ZNF626: variants seen among roughly 807,000 people sequenced by gnomAD.
ZNF626 encodes the protein CTC-513N18.7.
ZNF626 carries 4 observed loss-of-function variants against 11.7 expected under a neutral mutation model. The observed-to-expected ratio is 0.34, with a 90% CI of 0.17 to 0.78. The LOEUF is 0.78. Ranked by LOEUF, ZNF626 falls within the 30% of genes least tolerant of loss-of-function variation. The probability of loss-of-function intolerance (pLI) is 0.57; values close to 1 mark genes in which losing one functional copy is unlikely to be tolerated. For missense variants in ZNF626, 588 were observed against 587.1 expected, an observed-to-expected ratio of 1.00 and a Z score of -0.01; for synonymous variants, 179 against 198.6, an observed-to-expected ratio of 0.90 and a Z score of 0.83.
intron 3 of ZNF626, among the ~76,000 whole-genome samples, chr19:20,641,347 ATAT>A (rs1166397614): frequency 3.9e-5 from 6 of 152,168 alleles, no homozygotes; most frequent in African/African-American, 1.4e-4. Flanking sequence ...AACATTGAGA[ATAT>A]TATGTCACTT....
rs782352387 is a variant in ZNF626, at chr19:20,623,932, A to G, written c.*358T>C. The G allele has an allele frequency of 7.4e-5, 28 of 376,008 alleles. No individual in the cohort carries two copies. Among genetic ancestry groups the G allele is most frequent in the African/African-American group, 1.7e-4 (8 of 46,246 alleles). 23.3% of individuals were successfully genotyped at this position (376,008 alleles called of 1,614,324 possible). On this transcript the variant is annotated 3_prime_UTR_variant, in exon 4 of 4. Transcript: ENST00000601440. ...CCTTAAAAAATCTGTCACATTCTTT[A>G]TATTTGTAGAGTTTATATTTCATAT...
chr19:20,652,594 T>G (rs1302498191), intron 1 of ZNF626, among the ~76,000 whole-genome samples: 1 of 152,210 alleles, frequency 6.6e-6, no homozygotes, highest in Non-Finnish European at 1.5e-5. Context: ...TAGTTTAATT[T>G]ATAGCTACAT....
At chr19:20,628,815 C>T (rs1292754392) in intron 3 of ZNF626, among the ~76,000 whole-genome samples, 19 of 152,228 alleles carry the variant, frequency 1.2e-4, no homozygotes, top group South Asian at 6.2e-4. Context: ...TTTTGGCTTT[C>T]GTTGCCATTG....
intron 1 of ZNF626, among the ~76,000 whole-genome samples, chr19:20,651,619 G>T (rs1014325973): frequency 6.6e-6 from 1 of 152,124 alleles, no homozygotes; most frequent in Non-Finnish European, 1.5e-5. Flanking sequence ...ACTCTTGTCA[G>T]CCTGACACAA....
In ZNF626 at chr19:20,625,677, C is replaced by T. The variant is rs372290621; in HGVS notation, c.227-27G>A. The stretch of plus-strand genomic sequence containing the variant: ...TGAAAGAAACAATAAAAACACATTA[C>T]TTCAATTGGTAGACTCAGATAAATA... On this transcript the variant is annotated intron_variant, in intron 3 of 3. Coordinates refer to ENST00000601440, the MANE Select transcript of ZNF626 (RefSeq NM_001076675.3). 1.1e-5 allele frequency: 17 copies of T among 1,511,426 alleles called. No homozygotes were observed. In the African/African-American group the frequency reaches 2.0e-4, roughly 17 times the overall value. The allele number at this position is 1,511,426 out of a possible 1,614,324, so 93.6% of individuals were successfully genotyped here.
In ZNF626 at chr19:20,633,171, C is replaced by T. The variant is rs1162255305; in HGVS notation, c.227-7521G>A. Among the ~76,000 whole-genome samples, 79 of 152,128 alleles carry T rather than the reference C, an allele frequency of 5.2e-4. 1 individual carries two copies. The highest frequency in any genetic ancestry group is 3.9e-4 in the Admixed American group (6 of 15,278). ...GTTTTGTCTCAGAGGAGTACCCGGCCGTGTCAGGTGTCAGTCCACCCCTAC... is the reference window on the plus strand; with the variant it reads ...GTTTTGTCTCAGAGGAGTACCCGGCTGTGTCAGGTGTCAGTCCACCCCTAC... On this transcript the variant is annotated intron_variant, in intron 3 of 3. Transcript: ENST00000601440.
At position 20,620,684 on chromosome 19, in the gene ZNF626, GCGC is replaced by G. The variant is rs1414867563; in HGVS notation, c.*3603_*3605del. ...TTCTCCTACCTCAGCCTCCAGGTGT[GCGC>G]CACCATGACTGGCTAATTTTTCTAT... is the stretch of plus-strand genomic sequence containing the variant. On this transcript the variant is annotated 3_prime_UTR_variant, in exon 4 of 4. Coordinates refer to ENST00000601440, the MANE Select transcript of ZNF626 (RefSeq NM_001076675.3). 1.3e-5 allele frequency: 2 copies of G among 151,792 alleles called. No homozygotes were observed. Among genetic ancestry groups the G allele is most frequent in the Non-Finnish European group, 2.9e-5 (2 of 68,010 alleles). 9.4% of individuals were successfully genotyped at this position (151,792 alleles called of 1,614,324 possible). A position where few individuals can be genotyped will look rare whatever the true frequency, so the allele number is the denominator to read the frequency against.
At position 20,620,585 on chromosome 19, in the gene ZNF626, ACT is replaced by A; in HGVS notation, c.*3703_*3704del. On this transcript the variant is annotated 3_prime_UTR_variant, in exon 4 of 4. Coordinates refer to ENST00000601440, the MANE Select transcript of ZNF626 (RefSeq NM_001076675.3). ...TTTTTTTCCTTTGAGGAGTCTCATCACTCTGTCACCCAGGCTGGAGTGCAGCA... is the reference window on the plus strand; with the variant it reads ...TTTTTTTCCTTTGAGGAGTCTCATCACTGTCACCCAGGCTGGAGTGCAGCA... The A allele has an allele frequency of 6.6e-6, 1 of 152,104 alleles. No homozygotes were observed. Among genetic ancestry groups the A allele is most frequent in the East Asian group, 1.9e-4 (1 of 5,158 alleles). 9.4% of individuals were successfully genotyped at this position (152,104 alleles called of 1,614,324 possible).
At chr19:20,630,554 A>C (rs1182236852) in intron 3 of ZNF626, among the ~76,000 whole-genome samples, 1 of 152,074 alleles carries the variant, frequency 6.6e-6, no homozygotes, top group African/African-American at 2.4e-5. Flanking sequence ...TAGATTTTCT[A>C]GTTTATTTGC....
chr19:20,626,409 A>G (rs1376797730), intron 3 of ZNF626, among the ~76,000 whole-genome samples: 3 of 152,216 alleles, frequency 2.0e-5, no homozygotes, highest in Non-Finnish European at 4.4e-5. Context: ...ATATGAGGTA[A>G]TTTAAAAAAT....
At chr19:20,652,081 A>C (rs1396567646) in intron 1 of ZNF626, among the ~76,000 whole-genome samples, 3 of 152,218 alleles carry the variant, frequency 2.0e-5, no homozygotes, top group Non-Finnish European at 2.9e-5. Flanking sequence ...GACATCTCAC[A>C]ATGCAGAAAA....
At chr19:20,645,559 G>A (rs1459584143) in intron 3 of ZNF626, 125 bp downstream of exon 3, 1 of 1,549,108 alleles carries the variant, frequency 6.5e-7, no homozygotes, top group Admixed American at 2.2e-5. Context: ...ACAAAAAATA[G>A]CTGCCCAAGA....
At chr19:20,655,083 G>T (rs1970190249) in intron 1 of ZNF626, among the ~76,000 whole-genome samples, 1 of 149,924 alleles carries the variant, frequency 6.7e-6, no homozygotes, top group South Asian at 2.1e-4. Context: ...CTGCACTCCA[G>T]CCTCGGCAAC....
intron 3 of ZNF626, among the ~76,000 whole-genome samples, chr19:20,629,032 AAT>A (rs1555770095): frequency 6.6e-6 from 1 of 152,168 alleles, no homozygotes; most frequent in African/African-American, 2.4e-5. Context: ...CCATTTATTA[AAT>A]AGGGAATCCT....
rs368521581 is a variant in ZNF626 at position 20,632,894 on chromosome 19, T to C, written c.227-7244A>G. 1.7e-4 allele frequency among the ~76,000 whole-genome samples: 26 copies of C among 152,244 alleles called. No individual in the cohort carries two copies. In the East Asian group the frequency reaches 3.3e-3, roughly 19 times the overall value. Reference sequence around the variant, plus strand: ...TAGAGTTTCCAGTTTTTCTGCTCTGTTTTTTTCCCATCTTTGTGGTTTTAT... The same window carrying C: ...TAGAGTTTCCAGTTTTTCTGCTCTGCTTTTTTCCCATCTTTGTGGTTTTAT... On this transcript the variant is annotated intron_variant, in intron 3 of 3. Transcript: ENST00000601440.
intron 1 of ZNF626, 87 bp from the exon 2 acceptor site, chr19:20,646,492 G>T: frequency 6.2e-7 from 1 of 1,604,174 alleles, no homozygotes; most frequent in Non-Finnish European, 8.5e-7. Flanking sequence ...AGAGTAAAGA[G>T]AACTGGTTCT....
chr19:20,630,048 T>C (rs1969885447), intron 3 of ZNF626, among the ~76,000 whole-genome samples: 1 of 152,216 alleles, frequency 6.6e-6, no homozygotes, highest in South Asian at 2.1e-4. Context: ...ATGTGGTTTT[T>C]GTCTTTGGTT....
chr19:20,654,543 C>A (rs1035281126), intron 1 of ZNF626, among the ~76,000 whole-genome samples: 2 of 149,362 alleles, frequency 1.3e-5, no homozygotes, highest in Non-Finnish European at 3.0e-5. Context: ...CCCGTATCTA[C>A]TAAAAATACA....
At chr19:20,656,980 A>G (rs1340064736) in intron 1 of ZNF626, among the ~76,000 whole-genome samples, 2 of 152,224 alleles carry the variant, frequency 1.3e-5, no homozygotes, top group Non-Finnish European at 2.9e-5. Context: ...ATTATATTAT[A>G]AAGACATATT....
Sources: allele counts gnomAD v4.1 joint callset (sites outside exome capture counted in the v4.1 genomes callset), GRCh38; gene constraint gnomAD v4.1.1; transcripts MANE v1.5; gene names NCBI Gene and HGNC (gene_info 2026-07-23, HGNC 2026-07-21).